Variants in KCNH7 observed in about 807,000 individuals in gnomAD.
KCNH7 encodes potassium voltage-gated channel subfamily H member 7, also known as voltage-gated inwardly rectifying potassium channel KCNH7.
Under a neutral mutation model 120.8 loss-of-function variants are expected in KCNH7, and 49 were observed. The observed-to-expected ratio is 0.41, with a 90% CI of 0.32 to 0.51. The LOEUF is 0.51. KCNH7 is among the 20% of genes least tolerant of loss of function. KCNH7 has a pLI of 0.38. For synonymous variants in KCNH7, 547 were observed against 516.1 expected (o/e 1.06, Z -0.81); for missense variants, 1,097 against 1,446.6 (o/e 0.76, Z 3.92).
At chr2:162,631,482 T>G (rs887261282) in intron 2 of KCNH7, among the ~76,000 whole-genome samples, 3 of 152,096 alleles carry the variant, frequency 2.0e-5, no homozygotes, top group African/African-American at 7.2e-5. Flanking sequence ...ATTTAACTCT[T>G]AAGAGTAAAG....
At chr2:162,561,876 C>T (rs1348730332) in intron 2 of KCNH7, among the ~76,000 whole-genome samples, 2 of 152,144 alleles carry the variant, frequency 1.3e-5, no homozygotes, top group Non-Finnish European at 2.9e-5. Flanking sequence ...GAATACTATG[C>T]AGCCATAAAA....
At chr2:162,660,377 GACCCATGTGTTATTTAATCCTCAAGT>G (rs1240823497) in intron 2 of KCNH7, among the ~76,000 whole-genome samples, 1 of 151,850 alleles carries the variant, frequency 6.6e-6, no homozygotes, top group Non-Finnish European at 1.5e-5. Flanking sequence ...TTTCTTGTTT[GACCCATGTGTTATTTAATCCTCAAGT>G]ACTTGAGGAT....
intron 2 of KCNH7, among the ~76,000 whole-genome samples, chr2:162,743,882 T>C (rs543769010): frequency 1.3e-5 from 2 of 152,262 alleles, no homozygotes; most frequent in East Asian, 3.9e-4. Context: ...AAAATATTTT[T>C]TCATATATAA....
chr2:162,670,492 A>AAAAAG lies in KCNH7; in HGVS notation c.308-133413_308-133412insCTTTT, dbSNP rs1553511726. ...TGTCAAAAAAAAAAAAAAAAAAAAA[A>AAAAAG]GAAAAATATTGACTGTATAAACAAT... On this transcript the variant is annotated intron_variant, in intron 2 of 15. Transcript: ENST00000332142. Among the ~76,000 whole-genome samples, 129 of 144,876 alleles carry AAAAAG rather than the reference A, an allele frequency of 8.9e-4. 2 individuals carry two copies. The highest frequency in any genetic ancestry group is 4.0e-3 in the South Asian group (19 of 4,762).
chr2:162,497,526 C>T (rs78640460), intron 6 of KCNH7, among the ~76,000 whole-genome samples: 44 of 152,164 alleles, frequency 2.9e-4, no homozygotes, highest in African/African-American at 1.0e-3. Flanking sequence ...TCAAATGTTA[C>T]AAGTATGTCC....
chr2:162,486,867 CTT>C (rs900580973), intron 6 of KCNH7, among the ~76,000 whole-genome samples: 1 of 152,104 alleles, frequency 6.6e-6, no homozygotes, highest in African/African-American at 2.4e-5. Context: ...GTTTTATAGA[CTT>C]ATTTAATTCA....
chr2:162,809,661 T>G (rs2105564675), intron 2 of KCNH7, among the ~76,000 whole-genome samples: 1 of 152,256 alleles, frequency 6.6e-6, no homozygotes, highest in South Asian at 2.1e-4. Context: ...TAAAAAATAT[T>G]TTTCTTTTAG....
At chr2:162,530,722 C>G (rs1444761622) in intron 3 of KCNH7, among the ~76,000 whole-genome samples, 1 of 151,648 alleles carries the variant, frequency 6.6e-6, no homozygotes. Context: ...ATTTTTTATT[C>G]TTTATTTTTT....
chr2:162,428,008 C>CTCT (rs1007094883), intron 8 of KCNH7, among the ~76,000 whole-genome samples: 18 of 151,568 alleles, frequency 1.2e-4, no homozygotes, highest in African/African-American at 4.1e-4. Flanking sequence ...TTGACTTCTG[C>CTCT]TCTTATATCT....
chr2:162,456,374 C>T (rs1329337527), intron 6 of KCNH7, among the ~76,000 whole-genome samples: 1 of 151,346 alleles, frequency 6.6e-6, no homozygotes, highest in African/African-American at 2.4e-5. Flanking sequence ...TTTATACATT[C>T]CTTATATAAT....
intron 2 of KCNH7, among the ~76,000 whole-genome samples, chr2:162,777,145 C>A (rs1318510941): frequency 6.6e-6 from 1 of 152,082 alleles, no homozygotes; most frequent in East Asian, 1.9e-4. Context: ...TTGACAAGTA[C>A]CACCAGTATA....
chr2:162,561,341 A>G (rs906321476), intron 2 of KCNH7, among the ~76,000 whole-genome samples: 3 of 152,156 alleles, frequency 2.0e-5, no homozygotes, highest in Non-Finnish European at 4.4e-5. Context: ...TTTTCTTTAA[A>G]CCAGTTTTTT....
intron 8 of KCNH7, among the ~76,000 whole-genome samples, chr2:162,433,644 A>G (rs979899229): frequency 6.6e-6 from 1 of 152,140 alleles, no homozygotes; most frequent in East Asian, 1.9e-4. Context: ...TGGATTTAAG[A>G]TTGGAATGTA....
chr2:162,619,306 A>C (rs1559047670), intron 2 of KCNH7, among the ~76,000 whole-genome samples: 1 of 152,086 alleles, frequency 6.6e-6, no homozygotes, highest in Non-Finnish European at 1.5e-5. Flanking sequence ...AGAAAATATC[A>C]AAATTTTATT....
At chr2:162,430,478 T>C (rs1025855130) in intron 8 of KCNH7, among the ~76,000 whole-genome samples, 1 of 152,080 alleles carries the variant, frequency 6.6e-6, no homozygotes, top group Non-Finnish European at 1.5e-5. Context: ...CTTGTTTTCT[T>C]AACTCCGTAA....
At chr2:162,375,477 A>G (rs997832234) in intron 14 of KCNH7, among the ~76,000 whole-genome samples, 3 of 152,234 alleles carry the variant, frequency 2.0e-5, no homozygotes, top group African/African-American at 4.8e-5. Context: ...CAGTAATTGC[A>G]GCACACTGCC....
chr2:162,689,023 C>T (rs1334690679), intron 2 of KCNH7, among the ~76,000 whole-genome samples: 2 of 151,926 alleles, frequency 1.3e-5, no homozygotes, highest in Non-Finnish European at 2.9e-5. Context: ...AATAATGTTC[C>T]CCAATTGCCC....
intron 9 of KCNH7, among the ~76,000 whole-genome samples, chr2:162,417,485 A>G (rs1687575386): frequency 1.3e-5 from 2 of 152,184 alleles, no homozygotes; most frequent in South Asian, 4.1e-4. Flanking sequence ...TTATTTTAAG[A>G]ATTTCAAAAA....
intron 3 of KCNH7, among the ~76,000 whole-genome samples, chr2:162,526,003 A>T (rs1691691969): frequency 2.0e-5 from 3 of 151,350 alleles, no homozygotes; most frequent in African/African-American, 7.3e-5. Context: ...AATATTTCAC[A>T]TAGATTCTTT....
Sources: allele counts gnomAD v4.1 joint callset (sites outside exome capture counted in the v4.1 genomes callset), GRCh38; gene constraint gnomAD v4.1.1; transcripts MANE v1.5; gene names NCBI Gene and HGNC (gene_info 2026-07-23, HGNC 2026-07-21).